C4orf36: variants seen among roughly 807,000 people sequenced by gnomAD.
The protein encoded by C4orf36 is uncharacterized protein C4orf36.
Under a neutral mutation model 12.2 loss-of-function variants are expected in C4orf36, and 11 were observed. That is an observed-to-expected ratio of 0.90 (90% CI 0.57 to 1.49). The LOEUF (loss-of-function observed/expected upper bound fraction) is 1.49, where lower values mean the gene tolerates loss of function less well. C4orf36 is among the 40% of genes most tolerant of loss of function. The pLI is 0.00. For synonymous variants in C4orf36, 54 were observed against 51.3 expected, an observed-to-expected ratio of 1.05 and a Z score of -0.22; for missense variants, 137 against 133.9, an observed-to-expected ratio of 1.02 and a Z score of -0.11.
intron 2 of C4orf36, among the ~76,000 whole-genome samples, chr4:86,890,672 T>C (rs897121393): frequency 6.6e-6 from 1 of 152,190 alleles, no homozygotes; most frequent in Non-Finnish European, 1.5e-5. Context: ...CTTCACAGAA[T>C]ATTGTTTAAA....
chr4:86,914,363 C>T, the C4orf36 span: 11 of 991,080 alleles, frequency 1.1e-5, no homozygotes, highest in South Asian at 1.3e-4. Context: ...CATGAGCTTT[C>T]ACCCCCCGGC....
intron 1 of C4orf36, 37 bp from the exon 2 acceptor site, chr4:86,891,630 A>C: frequency 1.3e-6 from 2 of 1,529,210 alleles, no homozygotes; most frequent in South Asian, 1.2e-5. Context: ...AATGCCTCTC[A>C]CGTGAATATT....
chr4:86,908,351 T>C, the C4orf36 span, among the ~76,000 whole-genome samples: 1 of 152,102 alleles, frequency 6.6e-6, no homozygotes, highest in African/African-American at 2.4e-5. Flanking sequence ...TGAGTTATAC[T>C]TAAGGAAAAC....
chr4:86,883,084 C>A (rs1379592820), intron 4 of C4orf36, among the ~76,000 whole-genome samples: 1 of 152,132 alleles, frequency 6.6e-6, no homozygotes, highest in African/African-American at 2.4e-5. Context: ...CTAAAAGTGC[C>A]AGGTTGTGAG....
chr4:86,933,906 A>C, the C4orf36 span, among the ~76,000 whole-genome samples: 1 of 152,232 alleles, frequency 6.6e-6, no homozygotes. Context: ...GCGAAGAGTT[A>C]TATTTTGGAA....
the C4orf36 span, among the ~76,000 whole-genome samples, chr4:86,909,692 C>G: frequency 6.6e-6 from 1 of 152,002 alleles, no homozygotes; most frequent in East Asian, 1.9e-4. Context: ...CAACTACACA[C>G]CCTTCTATCA....
chr4:86,897,977 A>T, the C4orf36 span, among the ~76,000 whole-genome samples: 2 of 152,252 alleles, frequency 1.3e-5, no homozygotes, highest in Non-Finnish European at 2.9e-5. Context: ...ATATCTTAAT[A>T]CATGAGACCT....
chr4:86,934,925 A>C, the C4orf36 span: 1 of 151,634 alleles, frequency 6.6e-6, no homozygotes, highest in African/African-American at 2.4e-5. Flanking sequence ...CCGGTACCGC[A>C]GCTCGGGAGG....
At chr4:86,899,555 G>C in the C4orf36 span, among the ~76,000 whole-genome samples, 1 of 152,190 alleles carries the variant, frequency 6.6e-6, no homozygotes, top group African/African-American at 2.4e-5. Flanking sequence ...AGGCACAGTG[G>C]CTCACTCCTG....
At chr4:86,903,777 G>C in the C4orf36 span, among the ~76,000 whole-genome samples, 1 of 152,142 alleles carries the variant, frequency 6.6e-6, no homozygotes, top group Non-Finnish European at 1.5e-5. Flanking sequence ...ATTTTACAGA[G>C]AGCTGATGGG....
At chr4:86,896,434 T>C (rs1221646680), upstream of C4orf36, among the ~76,000 whole-genome samples, 1 of 152,246 alleles carries the variant, frequency 6.6e-6, no homozygotes, top group East Asian at 1.9e-4. Flanking sequence ...AGTTTTCTAA[T>C]GACTATTATA....
At chr4:86,917,639 G>A in the C4orf36 span, among the ~76,000 whole-genome samples, 1 of 150,740 alleles carries the variant, frequency 6.6e-6, no homozygotes, top group Non-Finnish European at 1.5e-5. Context: ...AAAGAGAAAG[G>A]AAGGAGGAAG....
the C4orf36 span, chr4:86,913,785 ATCTT>A: frequency 7.8e-7 from 1 of 1,283,454 alleles, no homozygotes; most frequent in Non-Finnish European, 1.1e-6. Context: ...CCCAAAGGGC[ATCTT>A]GCTGCCCCAG....
the C4orf36 span, among the ~76,000 whole-genome samples, chr4:86,926,588 G>C: frequency 8.7e-4 from 133 of 152,236 alleles, no homozygotes; most frequent in Non-Finnish European, 1.6e-3. Context: ...GAATCTCCGG[G>C]TTGGCCACTC....
chr4:86,905,964 ACCT>A, the C4orf36 span, among the ~76,000 whole-genome samples: 2 of 151,916 alleles, frequency 1.3e-5, no homozygotes, highest in African/African-American at 4.8e-5. Flanking sequence ...CAAGTTATCC[ACCT>A]ACCTTGGCTT....
At chr4:86,892,562 C>A (rs182186612), upstream of C4orf36, 292 of 723,656 alleles carry the variant, frequency 4.0e-4, no homozygotes, top group African/African-American at 5.2e-3. Context: ...AGGCCGCGCT[C>A]TCGGAATCCA....
chr4:86,877,696 A>G (rs922500254), intron 4 of C4orf36, among the ~76,000 whole-genome samples: 2 of 152,240 alleles, frequency 1.3e-5, no homozygotes, highest in Non-Finnish European at 2.9e-5. Flanking sequence ...AGAAGAAAAT[A>G]TCGGGATAAT....
chr4:86,924,999 A>G, the C4orf36 span: 1 of 152,356 alleles, frequency 6.6e-6, no homozygotes, highest in Admixed American at 6.5e-5. Flanking sequence ...CCAGAGCAGG[A>G]GCAAGAGAGA....
chr4:86,883,255 T>A (rs13141697), intron 4 of C4orf36, among the ~76,000 whole-genome samples: 25,208 of 152,192 alleles, frequency 0.17, 2,395 homozygotes, highest in Middle Eastern at 0.2. Flanking sequence ...GACAAGTTGA[T>A]TATCAGGGAT....
Sources: allele counts gnomAD v4.1 joint callset (sites outside exome capture counted in the v4.1 genomes callset), GRCh38; gene constraint gnomAD v4.1.1; transcripts MANE v1.5; gene names NCBI Gene and HGNC (gene_info 2026-07-23, HGNC 2026-07-21).